The following DHRS2 variants were observed in gnomAD, a reference collection of about 807,000 sequenced individuals.
DHRS2 encodes the protein dehydrogenase/reductase 2.
Under a neutral mutation model 26.3 loss-of-function variants are expected in DHRS2, and 29 were observed. The ratio of observed to expected loss-of-function variants is 1.10; its 90% CI spans 0.82 to 1.50. The LOEUF is 1.50. Ranked by LOEUF, DHRS2 falls within the 40% of genes most tolerant of loss-of-function variation. The pLI, the probability that DHRS2 is intolerant of heterozygous loss-of-function variation, is 0.00. For missense variants in DHRS2, 439 were observed against 367.1 expected, an observed-to-expected ratio of 1.20 and a Z score of -1.60; for synonymous variants, 164 against 151.3, an observed-to-expected ratio of 1.08 and a Z score of -0.62.
intron 1 of DHRS2, among the ~76,000 whole-genome samples, chr14:23,637,349 C>T (rs1470494146): frequency 6.6e-6 from 1 of 152,126 alleles, no homozygotes. Flanking sequence ...TAATTTTTGC[C>T]CAAAGCCCAG....
intron 1 of DHRS2, among the ~76,000 whole-genome samples, chr14:23,631,292 G>A (rs1890110981): frequency 6.6e-6 from 1 of 152,046 alleles, no homozygotes; most frequent in Admixed American, 6.5e-5. Context: ...TACTGTTAAT[G>A]CTGGTCAGTC....
At chr14:23,633,112 A>C (rs1890166965), upstream of DHRS2, among the ~76,000 whole-genome samples, 1 of 152,220 alleles carries the variant, frequency 6.6e-6, no homozygotes, top group Admixed American at 6.5e-5. Context: ...TCTCCTAGAC[A>C]AGCATCCCTG....
chr14:23,635,074 T>G (rs1193811394), upstream of DHRS2, among the ~76,000 whole-genome samples: 3 of 152,178 alleles, frequency 2.0e-5, no homozygotes, highest in Admixed American at 2.0e-4. Flanking sequence ...TAGTTCTTTT[T>G]TTTTTTGAGA....
At position 23,645,232 on chromosome 14, in the gene DHRS2, A is replaced by G. The variant is rs369350019; in HGVS notation, c.822A>G (p.Ala274=). The G allele has an allele frequency of 4.3e-6, 7 of 1,614,126 alleles. No homozygotes were observed. The Middle Eastern group carries it at 6.6e-4, about 152-fold the overall frequency. Residue 274 remains alanine (A), a synonymous_variant, in exon 9 of 9, where the codon GCA becomes GCG. Coordinates refer to ENST00000250383, the MANE Select transcript of DHRS2 (RefSeq NM_005794.4). ...SYVNGENIAV[A]GYSTRL is the part of the protein sequence containing the mutation. ...TCAACGGGGAGAACATTGCGGTGGC[A>G]GGCTACTCCACTCGGCTCTGAGAGG...
upstream of DHRS2, among the ~76,000 whole-genome samples, chr14:23,635,203 C>T (rs888099345): frequency 4.6e-5 from 7 of 152,076 alleles, no homozygotes; most frequent in African/African-American, 7.2e-5. Flanking sequence ...GCTGTGACTA[C>T]AGGCATGCAC....
upstream of DHRS2, among the ~76,000 whole-genome samples, chr14:23,632,578 A>G (rs1325628609): frequency 6.6e-6 from 1 of 152,222 alleles, no homozygotes; most frequent in East Asian, 1.9e-4. Context: ...TATTTAATAG[A>G]CAGTTTCTTC....
chr14:23,645,063 T>C, intron 8 of DHRS2, 79 bp from the exon 9 acceptor site: 1 of 1,601,928 alleles, frequency 6.2e-7, no homozygotes, highest in East Asian at 2.2e-5. Flanking sequence ...TGGAGCCCAC[T>C]CCCACCTGTC....
intron 1 of DHRS2, 34 bp downstream of exon 1, chr14:23,636,806 C>A (rs142361707): frequency 6.6e-6 from 1 of 152,238 alleles, no homozygotes; most frequent in Non-Finnish European, 1.5e-5. Context: ...ATTTGCTATT[C>A]TGTCCTATTT....
At chr14:23,639,697 C>T in intron 3 of DHRS2, 97 bp from the exon 4 acceptor site, 2 of 1,339,148 alleles carry the variant, frequency 1.5e-6, no homozygotes, top group South Asian at 1.6e-5. Context: ...TTTAGGAGCT[C>T]TGCAAGCTTT....
Position 23,644,099 on chromosome 14 carries a change from G to T in DHRS2, c.489-12G>T, listed in dbSNP as rs200601829. 28 of 1,614,002 alleles carry T rather than the reference G, an allele frequency of 1.7e-5. No homozygotes were observed. The highest frequency in any genetic ancestry group is 1.6e-4 in the Middle Eastern group (1 of 6,062). On this transcript the variant is annotated splice_polypyrimidine_tract_variant and intron_variant, in intron 5 of 8. Coordinates refer to ENST00000250383, the MANE Select transcript of DHRS2 (RefSeq NM_005794.4). ...CTTAGCTTCAGCTTCTCTTATGTTT[G>T]TCTTGTCTCAGGAGGGGTGCTGTCA...
At chr14:23,642,765 A>G (rs1832810419) in intron 4 of DHRS2, 2 of 189,270 alleles carry the variant, frequency 1.1e-5, no homozygotes, top group Non-Finnish European at 2.2e-5. Context: ...ACAAGGTCTC[A>G]CTATGTTGCT....
chr14:23,638,535 A>C (rs1183498614), intron 1 of DHRS2: 1 of 276,262 alleles, frequency 3.6e-6, no homozygotes, highest in Non-Finnish European at 7.0e-6. Flanking sequence ...AGTGCTTGAC[A>C]CATTGCCAGT....
chr14:23,637,834 G>A (rs1300767630), intron 1 of DHRS2, among the ~76,000 whole-genome samples: 4 of 152,134 alleles, frequency 2.6e-5, no homozygotes, highest in African/African-American at 9.7e-5. Context: ...TCAGCACTCT[G>A]TCAAAATGGA....
In DHRS2 at chr14:23,639,782, T is replaced by C. The variant is rs149432832; in HGVS notation, c.319-12T>C. 961 of 1,596,116 alleles carry C rather than the reference T, an allele frequency of 6.0e-4. 5 individuals are homozygous for C. The African/African-American group carries it at 0.012, about 19-fold the overall frequency. On this transcript the variant is annotated splice_polypyrimidine_tract_variant and intron_variant, in intron 3 of 8. Transcript: ENST00000250383. ...AGGCCATCTCCACACTCATCCAATC[T>C]CCTCTCCGCAGGCCCTGGAGCACTG... is the stretch of plus-strand genomic sequence containing the variant.
At chr14:23,641,708 T>C in intron 4 of DHRS2, 1 of 1,289,784 alleles carries the variant, frequency 7.8e-7, no homozygotes, top group Non-Finnish European at 1.0e-6. Flanking sequence ...GGACCACTTC[T>C]TGCAGTCATT....
upstream of DHRS2, among the ~76,000 whole-genome samples, chr14:23,632,920 C>T (rs1240735657): frequency 3.9e-5 from 6 of 152,192 alleles, no homozygotes; most frequent in Non-Finnish European, 8.8e-5. Flanking sequence ...TCCCTGAGTG[C>T]CCTGCTAACT....
chr14:23,631,382 T>C (rs549521611), upstream of DHRS2, among the ~76,000 whole-genome samples: 22 of 152,020 alleles, frequency 1.4e-4, no homozygotes, highest in South Asian at 4.2e-4. Flanking sequence ...ACTGGTTTTT[T>C]AAGTTGACTT....
upstream of DHRS2, among the ~76,000 whole-genome samples, chr14:23,635,547 C>A (rs1014854237): frequency 1.3e-5 from 2 of 152,222 alleles, no homozygotes; most frequent in Non-Finnish European, 2.9e-5. Context: ...AATGCCAAAT[C>A]ATTTCCCAAA....
chr14:23,631,062 C>A (rs1336486833), intron 1 of DHRS2, among the ~76,000 whole-genome samples: 1 of 152,090 alleles, frequency 6.6e-6, no homozygotes, highest in African/African-American at 2.4e-5. Context: ...AGGAAAAGAC[C>A]TGGAAAGAGA....
Sources: allele counts gnomAD v4.1 joint callset (sites outside exome capture counted in the v4.1 genomes callset), GRCh38; gene constraint gnomAD v4.1.1; transcripts MANE v1.5; gene names NCBI Gene and HGNC (gene_info 2026-07-23, HGNC 2026-07-21).